Variants in FARS2 observed in about 807,000 individuals in gnomAD.
The protein encoded by FARS2 is phenylalanine--tRNA ligase, mitochondrial.
FARS2 carries 40 observed loss-of-function variants against 46.4 expected under a neutral mutation model. The observed-to-expected ratio is 0.86, with a 90% CI of 0.67 to 1.12. FARS2 has a LOEUF of 1.12. FARS2 is among the 50% of genes most tolerant of loss of function. FARS2 has a pLI of 0.00. For synonymous variants in FARS2, 234 were observed against 214.9 expected (o/e 1.09, Z -0.78); for missense variants, 513 against 567.9 (o/e 0.90, Z 0.98).
chr6:5,680,891 A>G (rs1779001373), intron 6 of FARS2, among the ~76,000 whole-genome samples: 1 of 152,232 alleles, frequency 6.6e-6, no homozygotes, highest in Non-Finnish European at 1.5e-5. Context: ...AACAAAATGT[A>G]AAAGTTTTAC....
intron 6 of FARS2, among the ~76,000 whole-genome samples, chr6:5,633,663 C>T (rs2150724839): frequency 6.6e-6 from 1 of 152,210 alleles, no homozygotes; most frequent in Admixed American, 6.5e-5. Flanking sequence ...GAAAATTCTG[C>T]CATTGTCATA....
chr6:5,355,641 G>A (rs560188881), intron 1 of FARS2, among the ~76,000 whole-genome samples: 1 of 152,220 alleles, frequency 6.6e-6, no homozygotes, highest in East Asian at 1.9e-4. Context: ...ACAGGTGTGA[G>A]CCACCATGCC....
intron 5 of FARS2, among the ~76,000 whole-genome samples, chr6:5,556,713 G>T (rs569961496): frequency 6.6e-6 from 1 of 151,942 alleles, no homozygotes; most frequent in Non-Finnish European, 1.5e-5. Flanking sequence ...AAAAATGAAC[G>T]ATCTAGGTCC....
Position 5,296,129 on chromosome 6 carries a change from C to CTTTTTTTTTTTTTTTTT in FARS2, c.-22+34483_-22+34499dup, listed in dbSNP as rs70974187. Among the ~76,000 whole-genome samples the CTTTTTTTTTTTTTTTTT allele has an allele frequency of 3.6e-5, 2 of 55,040 alleles. 1 individual carries two copies. The highest frequency in any genetic ancestry group is 6.0e-5 in the Non-Finnish European group (2 of 33,490). The allele number at this position is 55,040 out of a possible 152,430, so 36.1% of individuals were successfully genotyped here. On this transcript the variant is annotated intron_variant, in intron 1 of 6. Coordinates refer to ENST00000274680, the MANE Select transcript of FARS2 (RefSeq NM_006567.5). ...CAAACATAAAAATTATCATTTTGGC[C>CTTTTTTTTTTTTTTTTT]TTTTTTTTTTTTTTTTTTTTTTTTT...
chr6:5,751,760 A>T (rs547131059), intron 6 of FARS2, among the ~76,000 whole-genome samples: 7 of 152,342 alleles, frequency 4.6e-5, no homozygotes, highest in Middle Eastern at 3.4e-3. Flanking sequence ...CCAAGCACTG[A>T]CATTCCTCCT....
intron 5 of FARS2, among the ~76,000 whole-genome samples, chr6:5,601,950 A>T (rs146472320): frequency 6.6e-6 from 1 of 152,350 alleles, no homozygotes; most frequent in Non-Finnish European, 1.5e-5. Context: ...AGTCACCTTG[A>T]CAATGCCATA....
chr6:5,604,518 TACCAG>T (rs960134801), intron 5 of FARS2, among the ~76,000 whole-genome samples: 2 of 152,098 alleles, frequency 1.3e-5, no homozygotes, highest in African/African-American at 4.8e-5. Flanking sequence ...GTGCACTCAC[TACCAG>T]GCCCTCGGCG....
At chr6:5,692,834 T>C (rs1431001309) in intron 6 of FARS2, among the ~76,000 whole-genome samples, 6 of 152,176 alleles carry the variant, frequency 3.9e-5, no homozygotes, top group African/African-American at 1.4e-4. Flanking sequence ...ATTTAAAAGG[T>C]GTCAGAAAGG....
At chr6:5,419,108 A>T (rs566027851) in intron 3 of FARS2, among the ~76,000 whole-genome samples, 1 of 151,642 alleles carries the variant, frequency 6.6e-6, no homozygotes, top group Non-Finnish European at 1.5e-5. Flanking sequence ...TTCTTTTCTG[A>T]TGCAGCTTAA....
intron 1 of FARS2, among the ~76,000 whole-genome samples, chr6:5,310,611 G>A (rs1281526466): frequency 6.6e-6 from 1 of 152,100 alleles, no homozygotes; most frequent in Non-Finnish European, 1.5e-5. Flanking sequence ...AAATACAAAT[G>A]CTAAAAACAA....
chr6:5,522,339 G>C (rs1769194291), intron 4 of FARS2, among the ~76,000 whole-genome samples: 1 of 152,208 alleles, frequency 6.6e-6, no homozygotes, highest in South Asian at 2.1e-4. Context: ...TGTCTGCAAG[G>C]GGGTTAGGCC....
intron 1 of FARS2, among the ~76,000 whole-genome samples, chr6:5,293,445 G>A (rs1040408783): frequency 6.6e-6 from 1 of 152,070 alleles, no homozygotes; most frequent in South Asian, 2.1e-4. Flanking sequence ...AGGTGGGGAT[G>A]GAGGGATTAT....
At chr6:5,273,257 A>G (rs36053586) in intron 1 of FARS2, among the ~76,000 whole-genome samples, 94,039 of 151,738 alleles carry the variant, frequency 0.62, 29,351 homozygotes, top group East Asian at 0.84. Flanking sequence ...AGTTTTCCAT[A>G]TTGGCTATAC....
At chr6:5,410,878 C>T (rs1761906477) in intron 3 of FARS2, among the ~76,000 whole-genome samples, 1 of 152,126 alleles carries the variant, frequency 6.6e-6, no homozygotes, top group South Asian at 2.1e-4. Flanking sequence ...TAAACCATCT[C>T]TATGATATGG....
intron 1 of FARS2, among the ~76,000 whole-genome samples, chr6:5,305,729 G>T (rs181564266): frequency 1.8e-4 from 28 of 152,276 alleles, no homozygotes; most frequent in Non-Finnish European, 3.7e-4. Context: ...AGAACTTGGC[G>T]TACTTGTTTT....
chr6:5,644,581 TA>T (rs1776984751), intron 6 of FARS2, among the ~76,000 whole-genome samples: 1 of 152,068 alleles, frequency 6.6e-6, no homozygotes, highest in African/African-American at 2.4e-5. Flanking sequence ...CTCATGACCT[TA>T]AAAACATACT....
intron 1 of FARS2, among the ~76,000 whole-genome samples, chr6:5,339,939 G>A (rs1189920356): frequency 2.6e-5 from 4 of 152,192 alleles, no homozygotes; most frequent in East Asian, 1.9e-4. Flanking sequence ...CTTAAGTTTC[G>A]TTTATGGCCA....
chr6:5,422,221 G>A (rs982328217), intron 3 of FARS2, among the ~76,000 whole-genome samples: 13 of 152,116 alleles, frequency 8.5e-5, no homozygotes, highest in African/African-American at 2.4e-4. Context: ...AGAACAGCAT[G>A]GGAAAACCTG....
intron 6 of FARS2, among the ~76,000 whole-genome samples, chr6:5,709,722 G>C: frequency 1.0e-5 from 1 of 95,306 alleles, no homozygotes; most frequent in African/African-American, 4.1e-5. Flanking sequence ...ATGTTGGGGG[G>C]GGTGGGGTTG....
Sources: gnomAD v4.1 joint callset for allele counts (sites outside exome capture counted in the v4.1 genomes callset) on GRCh38, gnomAD v4.1.1 for gene constraint, MANE v1.5 for transcripts, NCBI Gene and HGNC (gene_info 2026-07-23, HGNC 2026-07-21) for gene names.